The following MAGI2 variants were observed in gnomAD, a reference collection of about 807,000 sequenced individuals.
MAGI2 encodes the protein membrane-associated guanylate kinase, WW and PDZ domain-containing protein 2.
A neutral mutation model predicts 133.3 loss-of-function variants in MAGI2; 35 were observed. The observed-to-expected ratio is 0.26, with a 90% CI of 0.20 to 0.35. The LOEUF (loss-of-function observed/expected upper bound fraction) is 0.35. MAGI2 is among the 10% of genes least tolerant of loss of function. MAGI2 has a pLI of 1.00. For missense variants in MAGI2, 1,636 were observed against 1,863.4 expected, an observed-to-expected ratio of 0.88 and a Z score of 2.25; for synonymous variants, 729 against 710.6, an observed-to-expected ratio of 1.03 and a Z score of -0.41.
At chr7:78,177,426 AC>A (rs1826753837) in intron 14 of MAGI2, among the ~76,000 whole-genome samples, 6 of 151,596 alleles carry the variant, frequency 4.0e-5, no homozygotes, top group Admixed American at 6.6e-5. Flanking sequence ...GCGCACACAC[AC>A]ACACACACAC....
intron 1 of MAGI2, among the ~76,000 whole-genome samples, chr7:79,430,447 T>C (rs1847700086): frequency 6.6e-6 from 1 of 152,224 alleles, no homozygotes. Flanking sequence ...TCAAGTCCTT[T>C]GTGTACTTAG....
chr7:79,213,617 CTT>C (rs1829704495), intron 1 of MAGI2, among the ~76,000 whole-genome samples: 1 of 151,974 alleles, frequency 6.6e-6, no homozygotes, highest in African/African-American at 2.4e-5. Context: ...CTAGAAGTCT[CTT>C]AGCATATTTT....
At position 79,375,127 on chromosome 7, in the gene MAGI2, T is replaced by C. The variant is rs370233067; in HGVS notation, c.301+77893A>G. ...TTATTAAAAAGGAAACAACTAACTT[T>C]TGAATAGTTGAGAACTCTCACTCTT... On this transcript the variant is annotated intron_variant, in intron 1 of 21. Coordinates refer to ENST00000354212, the MANE Select transcript of MAGI2 (RefSeq NM_012301.4). Among the ~76,000 whole-genome samples the C allele has an allele frequency of 1.9e-4, 29 of 152,118 alleles. No homozygotes were observed. In the East Asian group the frequency reaches 2.5e-3, roughly 13 times the overall value.
chr7:78,615,603 G>A (rs892244327), intron 3 of MAGI2: 1 of 152,230 alleles, frequency 6.6e-6, no homozygotes, highest in Non-Finnish European at 1.5e-5. Flanking sequence ...CCAGATCCCA[G>A]TGCCAAAGGG....
chr7:78,519,036 C>G (rs999525973), intron 4 of MAGI2: 3 of 151,272 alleles, frequency 2.0e-5, no homozygotes, highest in Non-Finnish European at 2.9e-5. Flanking sequence ...CCGCACCTGG[C>G]TAGGAACATG....
At chr7:79,152,613 A>C (rs990754971) in intron 1 of MAGI2, among the ~76,000 whole-genome samples, 8 of 152,176 alleles carry the variant, frequency 5.3e-5, no homozygotes, top group Non-Finnish European at 1.0e-4. Context: ...TCAGAGCTCC[A>C]GGGAGGCGGG....
At chr7:78,401,360 T>C (rs1796844548) in intron 6 of MAGI2, among the ~76,000 whole-genome samples, 1 of 152,212 alleles carries the variant, frequency 6.6e-6, no homozygotes, top group Non-Finnish European at 1.5e-5. Context: ...AATCACTTAA[T>C]ATTTTAACTT....
At chr7:78,268,644 A>AT (rs1794255530) in intron 9 of MAGI2, among the ~76,000 whole-genome samples, 2 of 152,130 alleles carry the variant, frequency 1.3e-5, no homozygotes, top group African/African-American at 4.8e-5. Context: ...ATGTTTGTTT[A>AT]TATAAGCTTA....
At chr7:78,778,433 G>A (rs1826148728) in intron 2 of MAGI2, among the ~76,000 whole-genome samples, 1 of 152,158 alleles carries the variant, frequency 6.6e-6, no homozygotes, top group South Asian at 2.1e-4. Flanking sequence ...GTTATCTAAA[G>A]TAGGGCTACT....
chr7:78,858,363 T>G (rs966508243), intron 2 of MAGI2, among the ~76,000 whole-genome samples: 3 of 152,262 alleles, frequency 2.0e-5, no homozygotes, highest in African/African-American at 7.2e-5. Context: ...ATTTTAGATC[T>G]TTCCTGCTTT....
intron 1 of MAGI2, among the ~76,000 whole-genome samples, chr7:79,446,708 T>C (rs1329307355): frequency 2.6e-5 from 4 of 152,312 alleles, no homozygotes; most frequent in East Asian, 3.9e-4. Context: ...CCCAGCCCTT[T>C]GGGAGACCGA....
intron 9 of MAGI2, among the ~76,000 whole-genome samples, chr7:78,303,819 C>A (rs1397996391): frequency 6.6e-6 from 1 of 152,120 alleles, no homozygotes; most frequent in African/African-American, 2.4e-5. Flanking sequence ...CTGATGAGTT[C>A]CAGACTTATA....
chr7:79,305,674 G>A (rs1412528918), intron 1 of MAGI2, among the ~76,000 whole-genome samples: 1 of 152,094 alleles, frequency 6.6e-6, no homozygotes, highest in African/African-American at 2.4e-5. Context: ...ACTTTGGAAG[G>A]ACAAGGCAGA....
In MAGI2 at chr7:79,009,745, C is replaced by G. The variant is rs566661697; in HGVS notation, c.302-2539G>C. On this transcript the variant is annotated intron_variant, in intron 1 of 21. Transcript: ENST00000354212. Reference sequence around the variant, plus strand: ...TATGTTCTGGCCATTGACACTTAGCCCAGAAGGAAATGGACATAATATCTG... The same window carrying G: ...TATGTTCTGGCCATTGACACTTAGCGCAGAAGGAAATGGACATAATATCTG... Among the ~76,000 whole-genome samples, 572 of 152,080 alleles carry G rather than the reference C, an allele frequency of 3.8e-3. 8 individuals are homozygous for G. The highest frequency in any genetic ancestry group is 0.013 in the African/African-American group (543 of 41,502).
chr7:79,222,488 C>T (rs867361486), intron 1 of MAGI2, among the ~76,000 whole-genome samples: 5 of 152,030 alleles, frequency 3.3e-5, no homozygotes, highest in Middle Eastern at 6.8e-3. Context: ...CCTAGTTTAA[C>T]CTTTAATTGA....
chr7:79,229,679 T>C (rs1435418441), intron 1 of MAGI2, among the ~76,000 whole-genome samples: 1 of 152,198 alleles, frequency 6.6e-6, no homozygotes, highest in Non-Finnish European at 1.5e-5. Context: ...CAGACAGAGA[T>C]AACAGAATTC....
At chr7:78,570,081 C>G (rs1230401694) in intron 3 of MAGI2, among the ~76,000 whole-genome samples, 2 of 152,144 alleles carry the variant, frequency 1.3e-5, no homozygotes, top group Non-Finnish European at 2.9e-5. Flanking sequence ...ACTATTAAGA[C>G]AGAGTTGCTA....
intron 9 of MAGI2, among the ~76,000 whole-genome samples, chr7:78,259,910 T>G (rs1390977196): frequency 6.6e-6 from 1 of 152,046 alleles, no homozygotes; most frequent in Non-Finnish European, 1.5e-5. Flanking sequence ...AGAAACAGAG[T>G]GAGAACTATT....
At chr7:78,332,779 T>G (rs2151156494) in intron 9 of MAGI2, among the ~76,000 whole-genome samples, 1 of 152,138 alleles carries the variant, frequency 6.6e-6, no homozygotes, top group Non-Finnish European at 1.5e-5. Context: ...GAGGTCATGT[T>G]ATTGGTCTGA....
Sources: allele counts gnomAD v4.1 joint callset (sites outside exome capture counted in the v4.1 genomes callset), GRCh38; gene constraint gnomAD v4.1.1; transcripts MANE v1.5; gene names NCBI Gene and HGNC (gene_info 2026-07-23, HGNC 2026-07-21).